Variants in CPEB3 observed in about 807,000 individuals in gnomAD.
CPEB3 encodes the protein cytoplasmic polyadenylation element binding protein 3, also known as cytoplasmic polyadenylation element-binding protein 3.
A neutral mutation model predicts 67.2 loss-of-function variants in CPEB3; 20 were observed. That is an observed-to-expected ratio of 0.30 (90% confidence interval 0.21 to 0.43). The LOEUF (loss-of-function observed/expected upper bound fraction) is 0.43. Ranked by LOEUF, CPEB3 falls within the 20% of genes least tolerant of loss-of-function variation. The pLI is 1.00. For synonymous variants in CPEB3, 376 were observed against 393.1 expected, an observed-to-expected ratio of 0.96 and a Z score of 0.51; for missense variants, 746 against 968.6, an observed-to-expected ratio of 0.77 and a Z score of 3.05.
At chr10:92,114,908 T>G (rs560321384) in intron 6 of CPEB3, among the ~76,000 whole-genome samples, 3 of 152,382 alleles carry the variant, frequency 2.0e-5, no homozygotes, top group African/African-American at 4.8e-5. Flanking sequence ...TTTACTGCAT[T>G]TTCAATTATT....
intron 6 of CPEB3, among the ~76,000 whole-genome samples, chr10:92,140,326 C>T (rs1310800111): frequency 2.0e-5 from 3 of 152,054 alleles, no homozygotes; most frequent in South Asian, 4.1e-4. Context: ...GAAATAATGC[C>T]GCATATCTAC....
At chr10:92,162,169 T>C (rs1224285140) in intron 4 of CPEB3, among the ~76,000 whole-genome samples, 2 of 152,128 alleles carry the variant, frequency 1.3e-5, no homozygotes, top group Non-Finnish European at 2.9e-5. Context: ...AAGAATCTTT[T>C]TACTGTTTCA....
intron 2 of CPEB3, among the ~76,000 whole-genome samples, chr10:92,199,223 C>T (rs1157604973): frequency 2.6e-5 from 4 of 151,698 alleles, no homozygotes; most frequent in African/African-American, 9.7e-5. Context: ...GAAACCTCAT[C>T]TCTACAAAAA....
chr10:92,109,410 C>T (rs1564786853), intron 7 of CPEB3, among the ~76,000 whole-genome samples: 1 of 151,972 alleles, frequency 6.6e-6, no homozygotes, highest in Non-Finnish European at 1.5e-5. Context: ...GTGCCACCAC[C>T]CCCAGCTATT....
At chr10:92,188,526 C>T (rs530800680) in intron 3 of CPEB3, among the ~76,000 whole-genome samples, 1 of 151,972 alleles carries the variant, frequency 6.6e-6, no homozygotes, top group East Asian at 1.9e-4. Flanking sequence ...TCGAGACCAG[C>T]CTGGACAACA....
intron 3 of CPEB3, among the ~76,000 whole-genome samples, chr10:92,182,983 C>G (rs1848529973): frequency 6.6e-6 from 1 of 152,070 alleles, no homozygotes; most frequent in African/African-American, 2.4e-5. Flanking sequence ...TAAAACTGTT[C>G]TAACTTTATC....
chr10:92,143,214 T>G, intron 5 of CPEB3, 96 bp from the exon 6 acceptor site: 1 of 905,166 alleles, frequency 1.1e-6, no homozygotes, highest in Non-Finnish European at 1.7e-6. Context: ...TTTAAAAAAA[T>G]GTTTTGAGGG....
intron 9 of CPEB3, among the ~76,000 whole-genome samples, chr10:92,067,299 G>A (rs4486531): frequency 0.71 from 107,362 of 151,052 alleles, 38,260 homozygotes; most frequent in East Asian, 0.78. Flanking sequence ...TCAGGAGTTC[G>A]AGACCAGCCT....
intron 9 of CPEB3, among the ~76,000 whole-genome samples, chr10:92,079,185 G>T (rs139060158): frequency 6.6e-6 from 1 of 152,228 alleles, no homozygotes; most frequent in East Asian, 1.9e-4. Context: ...TATATGACTC[G>T]CAAATGTACA....
At chr10:92,276,598 T>C (rs1487837167) in intron 1 of CPEB3, among the ~76,000 whole-genome samples, 1 of 152,156 alleles carries the variant, frequency 6.6e-6, no homozygotes, top group Non-Finnish European at 1.5e-5. Context: ...GCTATTAACA[T>C]TCATGTGACT....
At chr10:92,219,559 C>T (rs11186860) in intron 2 of CPEB3, among the ~76,000 whole-genome samples, 53,632 of 152,044 alleles carry the variant, frequency 0.35, 10,674 homozygotes, top group African/African-American at 0.53. Flanking sequence ...TTCCTAAAAG[C>T]TGTTTTCTAC....
chr10:92,099,154 G>A (rs1844047197), intron 7 of CPEB3, among the ~76,000 whole-genome samples: 1 of 151,044 alleles, frequency 6.6e-6, no homozygotes, highest in South Asian at 2.1e-4. Flanking sequence ...TAAAACTAAA[G>A]GTCATTAATA....
At chr10:92,245,301 C>A (rs1331730150) in intron 1 of CPEB3, among the ~76,000 whole-genome samples, 1 of 151,916 alleles carries the variant, frequency 6.6e-6, no homozygotes, top group East Asian at 1.9e-4. Flanking sequence ...CCATGCCCAG[C>A]TAATTTTTGT....
intron 7 of CPEB3, among the ~76,000 whole-genome samples, chr10:92,094,711 T>C (rs564107717): frequency 6.6e-6 from 1 of 152,196 alleles, no homozygotes; most frequent in East Asian, 1.9e-4. Flanking sequence ...CATAAAGCAT[T>C]ACTTTTAAAT....
chr10:92,074,403 C>CA (rs1404863143), intron 9 of CPEB3, among the ~76,000 whole-genome samples: 1 of 152,202 alleles, frequency 6.6e-6, no homozygotes, highest in East Asian at 1.9e-4. Flanking sequence ...TATCATCTAA[C>CA]AGAGTAGATG....
At chr10:92,116,299 T>G (rs1268802020) in intron 6 of CPEB3, among the ~76,000 whole-genome samples, 1 of 151,312 alleles carries the variant, frequency 6.6e-6, no homozygotes, top group African/African-American at 2.4e-5. Context: ...CTTTCTATTT[T>G]GCATTTGCAA....
intron 9 of CPEB3, among the ~76,000 whole-genome samples, chr10:92,063,486 C>T (rs747733449): frequency 3.9e-5 from 6 of 152,150 alleles, no homozygotes; most frequent in Non-Finnish European, 7.4e-5. Context: ...AGACACCAGC[C>T]GGGCCCAGTG....
chr10:92,258,625 A>AATATAT (rs56316802), intron 1 of CPEB3, among the ~76,000 whole-genome samples: 39 of 32,798 alleles, frequency 1.2e-3, no homozygotes, highest in East Asian at 3.2e-3. Flanking sequence ...ATATTTTTTG[A>AATATAT]ATATATATAT....
intron 9 of CPEB3, among the ~76,000 whole-genome samples, chr10:92,062,841 T>C (rs1842406798): frequency 1.3e-5 from 2 of 152,220 alleles, no homozygotes; most frequent in Admixed American, 1.3e-4. Flanking sequence ...GCTCAAATAT[T>C]AGAGTCCCAT....
Sources: allele counts gnomAD v4.1 joint callset (sites outside exome capture counted in the v4.1 genomes callset), GRCh38; gene constraint gnomAD v4.1.1; transcripts MANE v1.5; gene names NCBI Gene and HGNC (gene_info 2026-07-23, HGNC 2026-07-21).